Variants in USP40 observed in about 807,000 individuals in gnomAD.
The protein encoded by USP40 is ubiquitin carboxyl-terminal hydrolase 40.
A neutral mutation model predicts 166.2 loss-of-function variants in USP40; 143 were observed. That is an observed-to-expected ratio of 0.86 (90% CI 0.75 to 0.99). The LOEUF (loss-of-function observed/expected upper bound fraction) is 0.99. Among genes scored for constraint, USP40 ranks in the 50% least tolerant of loss-of-function variants. USP40 has a pLI of 0.00. For synonymous variants in USP40, 498 were observed against 524.0 expected (o/e 0.95, Z 0.68); for missense variants, 1,444 against 1,479.7 (o/e 0.98, Z 0.40).
In USP40 at chr2:233,565,286, T is replaced by A. The variant is rs982201662; in HGVS notation, c.199+70A>T. 9.3e-6 allele frequency: 11 copies of A among 1,185,454 alleles called. No homozygotes were observed. In the African/African-American group the frequency reaches 1.4e-4, roughly 15 times the overall value. 73.4% of individuals were successfully genotyped at this position (1,185,454 alleles called of 1,614,324 possible). A position where few individuals can be genotyped will look rare whatever the true frequency, so the allele number is the denominator to read the frequency against. Reference sequence around the variant, plus strand: ...TTTAAGATAATTGGTCTATTTGTGATTTTGCATAATTAATTACATGTAAAG... The same window carrying A: ...TTTAAGATAATTGGTCTATTTGTGAATTTGCATAATTAATTACATGTAAAG... On this transcript the variant is annotated intron_variant, in intron 2 of 31. Coordinates refer to ENST00000678225, the MANE Select transcript of USP40 (RefSeq NM_001365479.2).
chr2:233,484,553 T>A (rs1001208125), intron 30 of USP40, among the ~76,000 whole-genome samples: 4 of 151,840 alleles, frequency 2.6e-5, no homozygotes, highest in African/African-American at 9.7e-5. Context: ...CTTGGCTCAC[T>A]GCAACATCCA....
At position 233,510,237 on chromosome 2, in the gene USP40, C is replaced by A. The variant is rs994157387; in HGVS notation, c.2527-102G>T. The A allele has an allele frequency of 1.9e-5, 16 of 837,440 alleles. 1 individual carries two copies. Among genetic ancestry groups the A allele is most frequent in the Middle Eastern group, 2.7e-4 (1 of 3,642 alleles). 51.9% of individuals were successfully genotyped at this position (837,440 alleles called of 1,614,324 possible). On this transcript the variant is annotated intron_variant, in intron 20 of 31. Transcript: ENST00000678225. ...AATGTAAAGCCAAGGGCCCATGAAA[C>A]TTTAACAAAAAATCTCAATTTATAT... is the stretch of plus-strand genomic sequence containing the variant.
intron 2 of USP40, among the ~76,000 whole-genome samples, chr2:233,563,166 ATGT>A (rs2071816829): frequency 6.6e-6 from 1 of 152,222 alleles, no homozygotes; most frequent in Admixed American, 6.5e-5. Context: ...TTCCTGCCAC[ATGT>A]AAGGCTAACA....
rs749664787 is a variant in USP40, at chr2:233,485,851, G to A, written c.3324C>T (p.Ala1108=). Residue 1108 remains alanine (A), a synonymous_variant, in exon 29 of 32, where the codon GCC becomes GCT. Transcript: ENST00000678225. ...TCTCCACGGGAAGACGATAGAAATC[G>A]GCAACTCTCTGCCTCAGGGAGCCGG... The part of the protein sequence containing the change: ...GTAGSLRQRV[A]DFYRLPVEKI... 3.6e-5 allele frequency: 58 copies of A among 1,610,234 alleles called. 1 individual carries two copies. In the South Asian group the frequency reaches 5.9e-4, roughly 16 times the overall value.
chr2:233,496,365 C>A (rs1253086399), intron 24 of USP40, among the ~76,000 whole-genome samples: 1 of 152,194 alleles, frequency 6.6e-6, no homozygotes, highest in African/African-American at 2.4e-5. Context: ...AGGAATTCCA[C>A]ATTTAGAACT....
chr2:233,530,773 A>G (rs1014485069), intron 11 of USP40, among the ~76,000 whole-genome samples: 1 of 152,152 alleles, frequency 6.6e-6, no homozygotes, highest in Non-Finnish European at 1.5e-5. Context: ...CATTTCCCCA[A>G]TTTACTACTG....
Position 233,527,497 on chromosome 2 carries a change from C to T in USP40, c.1635G>A (p.Leu545=), listed in dbSNP as rs372943765. The T allele has an allele frequency of 6.2e-7, 1 of 1,613,600 alleles. No individual in the cohort carries two copies. The highest frequency in any genetic ancestry group is 8.5e-7 in the Non-Finnish European group (1 of 1,179,774). The change falls in exon 13 of 32, where the codon CTG becomes CTA. Residue 545 remains leucine, a synonymous_variant. Coordinates refer to ENST00000678225, the MANE Select transcript of USP40 (RefSeq NM_001365479.2). The stretch of plus-strand genomic sequence containing the variant: ...TTTCTGTTTGAGAGACTACTGGGTG[C>T]AGAGCCCCATTGAAGAAATGATACT... The part of the protein sequence containing the change: ...GPQYHFFNGA[L]HPVVSQTESV...
At chr2:233,563,419 C>G (rs2071843193) in intron 2 of USP40, among the ~76,000 whole-genome samples, 1 of 152,118 alleles carries the variant, frequency 6.6e-6, no homozygotes, top group Non-Finnish European at 1.5e-5. Flanking sequence ...GGTAGGAACT[C>G]TTACTGGGAA....
chr2:233,536,712 G>A (rs1030242301), intron 10 of USP40, among the ~76,000 whole-genome samples: 9 of 151,922 alleles, frequency 5.9e-5, no homozygotes, highest in East Asian at 3.9e-4. Context: ...TCAAATGGTC[G>A]AATACATACA....
At chr2:233,479,629 G>C (rs918376838) in intron 31 of USP40, among the ~76,000 whole-genome samples, 1 of 62,594 alleles carries the variant, frequency 1.6e-5, no homozygotes, top group Admixed American at 1.4e-4. Context: ...AGAATTTTAC[G>C]TGTGTGTGTG....
intron 10 of USP40, among the ~76,000 whole-genome samples, chr2:233,536,202 G>A (rs1210172415): frequency 1.3e-5 from 2 of 152,048 alleles, no homozygotes; most frequent in Non-Finnish European, 2.9e-5. Context: ...ATATGTTAAA[G>A]AATTTAAAGG....
At chr2:233,526,910 TAAAACATACCTA>T (rs536012256) in intron 13 of USP40, among the ~76,000 whole-genome samples, 1 of 152,324 alleles carries the variant, frequency 6.6e-6, no homozygotes, top group Non-Finnish European at 1.5e-5. Flanking sequence ...CTATCATCAT[TAAAACATACCTA>T]GAAAAATGAC....
Position 233,563,695 on chromosome 2 carries a change from T to C in USP40, c.200-892A>G, listed in dbSNP as rs934508379. ...TTATTTAAAATACTATTCCAAAATTTCCCCCGCCAGTTCTCTGACAGTCCT... is the reference window on the plus strand; with the variant it reads ...TTATTTAAAATACTATTCCAAAATTCCCCCCGCCAGTTCTCTGACAGTCCT... On this transcript the variant is annotated intron_variant, in intron 2 of 31. Coordinates refer to ENST00000678225, the MANE Select transcript of USP40 (RefSeq NM_001365479.2). Among the ~76,000 whole-genome samples the C allele has an allele frequency of 2.0e-4, 31 of 152,112 alleles. No homozygotes were observed. The East Asian group carries it at 4.6e-3, about 23-fold the overall frequency.
intron 14 of USP40, 49 bp downstream of exon 14, chr2:233,525,429 A>G (rs774876934): frequency 2.0e-6 from 3 of 1,470,244 alleles, no homozygotes; most frequent in Non-Finnish European, 9.4e-7. Flanking sequence ...GAGCCGGACA[A>G]AAATGTAGAT....
chr2:233,541,394 A>C (rs1054795475), intron 9 of USP40, among the ~76,000 whole-genome samples: 3 of 152,204 alleles, frequency 2.0e-5, no homozygotes, highest in Non-Finnish European at 4.4e-5. Flanking sequence ...ACAAAGTGAC[A>C]CCAGGGAAGC....
intron 28 of USP40, 47 bp downstream of exon 28, chr2:233,488,192 G>A (rs758824698): frequency 2.0e-6 from 3 of 1,522,850 alleles, no homozygotes; most frequent in South Asian, 2.4e-5. Context: ...GGCAAACGAG[G>A]TTAAGATACG....
intron 24 of USP40, among the ~76,000 whole-genome samples, chr2:233,495,695 A>AG (rs2065705286): frequency 6.6e-6 from 1 of 152,204 alleles, no homozygotes; most frequent in Non-Finnish European, 1.5e-5. Context: ...AGAGAAAAGC[A>AG]GCTGCCTGTC....
chr2:233,482,120 C>G (rs939194779), intron 30 of USP40, among the ~76,000 whole-genome samples: 7 of 152,204 alleles, frequency 4.6e-5, no homozygotes, highest in Non-Finnish European at 1.0e-4. Flanking sequence ...CCCGCCTCTG[C>G]TAGGAACATG....
At chr2:233,487,643 G>T (rs2065025231) in intron 28 of USP40, 1 of 203,986 alleles carries the variant, frequency 4.9e-6, no homozygotes. Flanking sequence ...AAAAGGACTT[G>T]TAAAATATTT....
Sources: gnomAD v4.1 joint callset for allele counts (sites outside exome capture counted in the v4.1 genomes callset) on GRCh38, gnomAD v4.1.1 for gene constraint, MANE v1.5 for transcripts, NCBI Gene and HGNC (gene_info 2026-07-23, HGNC 2026-07-21) for gene names.